Variants in FGF13 observed in about 807,000 individuals in gnomAD.
FGF13 encodes the protein fibroblast growth factor homologous factor 2.
A neutral mutation model predicts 19.5 loss-of-function variants in FGF13; 2 were observed. That is an observed-to-expected ratio of 0.10 (90% CI 0.04 to 0.32). FGF13 has a LOEUF of 0.32. Ranked by LOEUF, FGF13 falls within the 10% of genes least tolerant of loss-of-function variation. The pLI is 1.00. For synonymous variants in FGF13, 72 were observed against 76.9 expected (o/e 0.94, Z 0.33); for missense variants, 113 against 192.7 (o/e 0.59, Z 2.45).
chrX:138,789,497 T>G (rs2090722101), intron 3 of FGF13, among the ~76,000 whole-genome samples: 2 of 110,429 alleles, frequency 1.8e-5, no homozygotes, highest in Non-Finnish European at 3.8e-5. Context: ...ATTTATTTGT[T>G]CTCTAAGAAG....
intron 3 of FGF13, among the ~76,000 whole-genome samples, chrX:138,784,171 G>T (rs1056206831): frequency 2.9e-5 from 2 of 68,701 alleles, no homozygotes. Flanking sequence ...GTTGTGGGGT[G>T]GGGGGAGGGG....
At chrX:139,154,896 T>G (rs1360725689) in intron 1 of FGF13, among the ~76,000 whole-genome samples, 1 of 112,049 alleles carries the variant, frequency 8.9e-6, no homozygotes, top group Non-Finnish European at 1.9e-5. Context: ...TTCTAAGGAT[T>G]TTTAAAAAAA....
chrX:138,984,629 G>A lies in FGF13; in HGVS notation c.-112-119979C>T, dbSNP rs1384324737. Reference sequence around the variant, plus strand: ...AGGAGGAGGAGGATGAGGAAGAGGAGGAGGAGGAGGAGGAGAAGAAGAAGA... The same window carrying A: ...AGGAGGAGGAGGATGAGGAAGAGGAAGAGGAGGAGGAGGAGAAGAAGAAGA... On this transcript the variant is annotated intron_variant, in intron 1 of 2. Coordinates refer to the FGF13 transcript ENST00000421460. 1.5e-3 allele frequency among the ~76,000 whole-genome samples: 113 copies of A among 74,295 alleles called. 3 individuals carry two copies. Among genetic ancestry groups the A allele is most frequent in the Non-Finnish European group, 2.5e-3 (92 of 36,546 alleles). 64.5% of individuals were successfully genotyped at this position (74,295 alleles called of 115,157 possible).
intron 1 of FGF13, among the ~76,000 whole-genome samples, chrX:139,024,327 T>C (rs1286391399): frequency 1.8e-5 from 2 of 111,411 alleles, no homozygotes; most frequent in Non-Finnish European, 3.8e-5. Context: ...AGGATCCTTA[T>C]ACAAACTCGA....
chrX:139,027,812 A>T (rs1014348063), intron 1 of FGF13, among the ~76,000 whole-genome samples: 1 of 111,932 alleles, frequency 8.9e-6, no homozygotes, highest in Admixed American at 9.5e-5. Flanking sequence ...AAATGAAAGG[A>T]AATTTCTAGA....
Position 138,751,189 on chromosome X carries a change from GA to G in FGF13, c.218-42262del, listed in dbSNP as rs2090395631. Among the ~76,000 whole-genome samples the G allele has an allele frequency of 2.7e-5, 3 of 111,010 alleles. No individual in the cohort carries two copies. In the Admixed American group the frequency reaches 2.9e-4, roughly 11 times the overall value. The stretch of plus-strand genomic sequence containing the variant: ...GTGGGGTGAGGAAAGAAAAGGAGGT[GA>G]GGAAGTTATTTTTCCTTCCTTCTTT... On this transcript the variant is annotated intron_variant, in intron 3 of 6. Coordinates refer to the FGF13 transcript ENST00000436198.
chrX:138,723,352 A>G (rs2090160399), intron 1 of FGF13, among the ~76,000 whole-genome samples: 1 of 111,714 alleles, frequency 9.0e-6, no homozygotes, highest in African/African-American at 3.3e-5. Context: ...GTTTTTTCCT[A>G]TTTATGGTCA....
chrX:138,980,952 C>G (rs1442475505), intron 1 of FGF13, among the ~76,000 whole-genome samples: 1 of 111,269 alleles, frequency 9.0e-6, no homozygotes, highest in Non-Finnish European at 1.9e-5. Context: ...ATGTACAAGG[C>G]CTTGGGTTAA....
chrX:139,067,344 T>C (rs1270252603), intron 1 of FGF13, among the ~76,000 whole-genome samples: 1 of 111,661 alleles, frequency 9.0e-6, no homozygotes, highest in Non-Finnish European at 1.9e-5. Context: ...AGTCAAATTG[T>C]CCCTGTTTGC....
At chrX:138,856,390 G>C (rs760408418), downstream of FGF13, among the ~76,000 whole-genome samples, 2 of 111,515 alleles carry the variant, frequency 1.8e-5, no homozygotes, top group Non-Finnish European at 3.8e-5. Flanking sequence ...CCAAAACTAC[G>C]GACTAGAGTG....
chrX:139,047,477 C>T (rs1009825609), intron 1 of FGF13, among the ~76,000 whole-genome samples: 15 of 110,462 alleles, frequency 1.4e-4, no homozygotes, highest in African/African-American at 5.0e-4. Flanking sequence ...TATACATGTG[C>T]CATGCTGGTG....
chrX:139,133,678 C>T (rs969454238), intron 1 of FGF13, among the ~76,000 whole-genome samples: 2 of 111,350 alleles, frequency 1.8e-5, no homozygotes, highest in African/African-American at 6.5e-5. Flanking sequence ...CCCAAGTTTC[C>T]TCTTGGCCAC....
intron 3 of FGF13, among the ~76,000 whole-genome samples, chrX:138,847,977 C>T (rs1028711366): frequency 9.0e-6 from 1 of 111,716 alleles, no homozygotes. Flanking sequence ...CATATCGTGA[C>T]ACCCTTTTCT....
chrX:139,138,016 C>G (rs748905120), intron 1 of FGF13, among the ~76,000 whole-genome samples: 3 of 112,225 alleles, frequency 2.7e-5, no homozygotes, highest in Non-Finnish European at 3.8e-5. Context: ...TGACTAGGGA[C>G]TATCCTTTGT....
intron 1 of FGF13, among the ~76,000 whole-genome samples, chrX:139,066,297 G>A (rs983966997): frequency 9.0e-6 from 1 of 111,351 alleles, no homozygotes; most frequent in Non-Finnish European, 1.9e-5. Context: ...TCAAAAGCTA[G>A]CAGAAGAGAA....
intron 3 of FGF13, among the ~76,000 whole-genome samples, chrX:138,831,026 C>A (rs2091069482): frequency 9.0e-6 from 1 of 110,839 alleles, no homozygotes; most frequent in South Asian, 3.9e-4. Flanking sequence ...TCCCCACATT[C>A]CAGCACAGTG....
intron 1 of FGF13, among the ~76,000 whole-genome samples, chrX:138,865,421 T>C: frequency 9.8e-6 from 1 of 102,433 alleles, no homozygotes; most frequent in Non-Finnish European, 2.0e-5. Flanking sequence ...CAGTGAAAAT[T>C]CCTCTCTCTC....
At chrX:139,000,713 T>G (rs1283896044) in intron 1 of FGF13, among the ~76,000 whole-genome samples, 1 of 112,226 alleles carries the variant, frequency 8.9e-6, no homozygotes, top group African/African-American at 3.2e-5. Flanking sequence ...CAACATTCCA[T>G]GCTCATGGAT....
At chrX:139,102,708 A>G (rs942408215) in intron 1 of FGF13, among the ~76,000 whole-genome samples, 5 of 112,310 alleles carry the variant, frequency 4.5e-5, no homozygotes, top group African/African-American at 1.6e-4. Flanking sequence ...GAGATAGAAA[A>G]GCAGCCCCAT....
Sources: allele counts gnomAD v4.1 joint callset (sites outside exome capture counted in the v4.1 genomes callset), GRCh38; gene constraint gnomAD v4.1.1; transcripts MANE v1.5; gene names NCBI Gene and HGNC (gene_info 2026-07-23, HGNC 2026-07-21).